The following RBFOX1 variants were observed in gnomAD, a reference collection of about 807,000 sequenced individuals.
RBFOX1 encodes RNA binding protein fox-1 homolog 1.
Under a neutral mutation model 57.7 loss-of-function variants are expected in RBFOX1, and 8 were observed. That is an observed-to-expected ratio of 0.14 (90% CI 0.08 to 0.25). The LOEUF (loss-of-function observed/expected upper bound fraction) is 0.25, where lower values mean the gene tolerates loss of function less well. Among genes scored for constraint, RBFOX1 ranks in the 10% least tolerant of loss-of-function variants. The pLI is 1.00. For missense variants in RBFOX1, 611 were observed against 548.5 expected, an observed-to-expected ratio of 1.11 and a Z score of -1.14; for synonymous variants, 326 against 222.4, an observed-to-expected ratio of 1.47 and a Z score of -4.15.
At chr16:7,661,769 G>C (rs2067814934) in intron 12 of RBFOX1, among the ~76,000 whole-genome samples, 1 of 152,158 alleles carries the variant, frequency 6.6e-6, no homozygotes, top group Non-Finnish European at 1.5e-5. Context: ...TGGCTTGTTT[G>C]AGCTTTTCAC....
intron 3 of RBFOX1, among the ~76,000 whole-genome samples, chr16:6,974,101 A>G (rs1376070000): frequency 1.3e-5 from 2 of 152,158 alleles, no homozygotes; most frequent in African/African-American, 4.8e-5. Context: ...TGCAAAGGAC[A>G]TGATCTCATT....
rs115081738 is a variant in RBFOX1, at chr16:5,692,932, C to T, written c.318+93971C>T. On this transcript the variant is annotated intron_variant, in intron 3 of 19. Transcript: ENST00000641259. ...TTAGCTGGGAGGACACAGGTAGGTA[C>T]ATTCTGAGACAGAAGCATTTAGACG... is the stretch of plus-strand genomic sequence containing the variant. Among the ~76,000 whole-genome samples, 814 of 152,318 alleles carry T rather than the reference C, an allele frequency of 5.3e-3. 8 individuals carry two copies. The highest frequency in any genetic ancestry group is 0.019 in the African/African-American group (778 of 41,570).
At chr16:7,430,578 C>T (rs1349269134) in intron 4 of RBFOX1, among the ~76,000 whole-genome samples, 1 of 151,318 alleles carries the variant, frequency 6.6e-6, no homozygotes, top group East Asian at 2.0e-4. Flanking sequence ...AGAAGAATTG[C>T]TTCAACCCAG....
chr16:7,172,764 T>G (rs537053631), intron 4 of RBFOX1, among the ~76,000 whole-genome samples: 1 of 152,230 alleles, frequency 6.6e-6, no homozygotes, highest in African/African-American at 2.4e-5. Context: ...GAGGTGTCAG[T>G]CTTGGCTTTT....
chr16:6,969,214 T>G (rs1188235621), intron 3 of RBFOX1, among the ~76,000 whole-genome samples: 1 of 152,132 alleles, frequency 6.6e-6, no homozygotes. Context: ...GTCCTTCACC[T>G]GTTATGTGAG....
At chr16:6,753,356 A>G (rs1434630020) in intron 3 of RBFOX1, among the ~76,000 whole-genome samples, 1 of 152,206 alleles carries the variant, frequency 6.6e-6, no homozygotes, top group Non-Finnish European at 1.5e-5. Context: ...AAAATATGGT[A>G]CAAAAGTGAA....
chr16:7,145,705 T>TA (rs1437499237), intron 4 of RBFOX1, among the ~76,000 whole-genome samples: 4 of 152,176 alleles, frequency 2.6e-5, no homozygotes, highest in African/African-American at 9.7e-5. Flanking sequence ...TCTTGAAATT[T>TA]AAAAAATGTA....
chr16:5,884,855 G>A (rs2057857770), intron 4 of RBFOX1, among the ~76,000 whole-genome samples: 1 of 152,160 alleles, frequency 6.6e-6, no homozygotes, highest in Non-Finnish European at 1.5e-5. Context: ...TGGAGGCAAA[G>A]TGTGGCACGA....
upstream of RBFOX1, among the ~76,000 whole-genome samples, chr16:6,016,923 A>G (rs1002285758): frequency 6.6e-6 from 1 of 152,168 alleles, no homozygotes; most frequent in Non-Finnish European, 1.5e-5. Flanking sequence ...TTTTGTTTTA[A>G]ATTGTAATGG....
At chr16:5,988,986 C>G (rs953160275) in intron 4 of RBFOX1, among the ~76,000 whole-genome samples, 2 of 152,024 alleles carry the variant, frequency 1.3e-5, no homozygotes, top group Non-Finnish European at 2.9e-5. Context: ...TGCTTACCCT[C>G]TCTGGATTCC....
At chr16:5,913,848 C>G (rs893269150) in intron 4 of RBFOX1, among the ~76,000 whole-genome samples, 4 of 152,184 alleles carry the variant, frequency 2.6e-5, no homozygotes, top group African/African-American at 4.8e-5. Flanking sequence ...TATCATGTAC[C>G]AGACACCATG....
At chr16:6,971,302 C>T (rs917709541) in intron 3 of RBFOX1, among the ~76,000 whole-genome samples, 5 of 152,194 alleles carry the variant, frequency 3.3e-5, no homozygotes, top group East Asian at 1.9e-4. Context: ...GATAGGAAAG[C>T]GAGGACATGT....
chr16:6,868,672 A>C (rs2060353640), intron 3 of RBFOX1, among the ~76,000 whole-genome samples: 1 of 152,104 alleles, frequency 6.6e-6, no homozygotes, highest in African/African-American at 2.4e-5. Flanking sequence ...GGGTTTCACC[A>C]TGTTGGCCAG....
intron 1 of RBFOX1, among the ~76,000 whole-genome samples, chr16:5,422,001 T>C (rs960829289): frequency 6.6e-6 from 1 of 152,190 alleles, no homozygotes; most frequent in Non-Finnish European, 1.5e-5. Flanking sequence ...TCTATACACT[T>C]GCTCAAAGTG....
intron 3 of RBFOX1, among the ~76,000 whole-genome samples, chr16:6,664,681 G>A (rs1044457768): frequency 6.6e-6 from 1 of 152,210 alleles, no homozygotes; most frequent in Non-Finnish European, 1.5e-5. Flanking sequence ...GTCTGAAATT[G>A]CGTGTTCAGA....
At chr16:5,787,613 G>A (rs1216279750) in intron 3 of RBFOX1, among the ~76,000 whole-genome samples, 1 of 152,190 alleles carries the variant, frequency 6.6e-6, no homozygotes, top group Non-Finnish European at 1.5e-5. Context: ...TGCTGAAGAG[G>A]AGGAATGTGA....
intron 1 of RBFOX1, among the ~76,000 whole-genome samples, chr16:6,276,502 C>A (rs1234056659): frequency 2.0e-5 from 3 of 152,034 alleles, no homozygotes; most frequent in Non-Finnish European, 2.9e-5. Flanking sequence ...CCATGCCCAG[C>A]GAATATTTTT....
At chr16:5,879,904 G>A (rs999750114) in intron 4 of RBFOX1, among the ~76,000 whole-genome samples, 13 of 152,142 alleles carry the variant, frequency 8.5e-5, no homozygotes, top group African/African-American at 1.2e-4. Context: ...TTGCCTTAGC[G>A]CAGAGATGGC....
intron 3 of RBFOX1, among the ~76,000 whole-genome samples, chr16:5,630,573 G>C (rs1252478180): frequency 6.6e-6 from 1 of 152,174 alleles, no homozygotes; most frequent in Non-Finnish European, 1.5e-5. Flanking sequence ...AGGACCTTCA[G>C]AGCACTGGCG....
Sources: gnomAD v4.1 joint callset for allele counts (sites outside exome capture counted in the v4.1 genomes callset) on GRCh38, gnomAD v4.1.1 for gene constraint, MANE v1.5 for transcripts, NCBI Gene and HGNC (gene_info 2026-07-23, HGNC 2026-07-21) for gene names.